OPALIN: variants seen among roughly 807,000 people sequenced by gnomAD.
The protein encoded by OPALIN is transmembrane protein 10.
In OPALIN, 15 loss-of-function variants were observed where a neutral mutation model predicts 17.8. The observed-to-expected ratio is 0.84, with a 90% CI of 0.56 to 1.29. OPALIN has a LOEUF of 1.29. OPALIN is among the 50% of genes most tolerant of loss of function. OPALIN has a pLI of 0.00. For synonymous variants in OPALIN, 62 were observed against 63.8 expected, an observed-to-expected ratio of 0.97 and a Z score of 0.14; for missense variants, 170 against 176.0, an observed-to-expected ratio of 0.97 and a Z score of 0.19.
At chr10:96,353,409 A>G (rs1845665483) in intron 2 of OPALIN, 1 of 1,613,550 alleles carries the variant, frequency 6.2e-7, no homozygotes, top group Non-Finnish European at 8.5e-7. Context: ...TGGAAGGGTT[A>G]TGCAGTAGAA....
Position 96,344,931 on chromosome 10 carries a change from T to C in OPALIN, c.*1010A>G, listed in dbSNP as rs187442367. 1 of 152,356 alleles carries C rather than the reference T, an allele frequency of 6.6e-6. No individual in the cohort carries two copies. The highest frequency in any genetic ancestry group is 2.4e-5 in the African/African-American group (1 of 41,592). The allele number at this position is 152,356 out of a possible 1,614,324, so 9.4% of individuals were successfully genotyped here. A position where few individuals can be genotyped will look rare whatever the true frequency, so the allele number is the denominator to read the frequency against. ...AAGGTTAAATGTAACACCACCAGTC[T>C]CTGTATTTGGAATTCGGAACTTGTA... On this transcript the variant is annotated 3_prime_UTR_variant, in exon 6 of 6. Coordinates refer to ENST00000371172, the MANE Select transcript of OPALIN (RefSeq NM_033207.5).
chr10:96,345,754 G>C lies in OPALIN; in HGVS notation c.*187C>G. ...ATGTACTAACTAAAGCACAAGATCT[G>C]AGAGTTGGAATTAACCATGTTGGGG... On this transcript the variant is annotated 3_prime_UTR_variant, in exon 6 of 6. Transcript: ENST00000371172. 1 of 564,668 alleles carries C rather than the reference G, an allele frequency of 1.8e-6. No homozygotes were observed. The highest frequency in any genetic ancestry group is 3.1e-6 in the Non-Finnish European group (1 of 321,408). 35.0% of individuals were successfully genotyped at this position (564,668 alleles called of 1,614,324 possible).
chr10:96,356,537 A>T (rs1439730934), intron 1 of OPALIN, among the ~76,000 whole-genome samples: 1 of 152,318 alleles, frequency 6.6e-6, no homozygotes, highest in East Asian at 1.9e-4. Flanking sequence ...AATGGGCCGC[A>T]GTCTATGTGA....
chr10:96,353,227 G>A (rs1285869103), intron 2 of OPALIN, among the ~76,000 whole-genome samples: 2 of 152,166 alleles, frequency 1.3e-5, no homozygotes, highest in South Asian at 4.1e-4. Context: ...ATACTTGACA[G>A]TTCAGTATGG....
intron 5 of OPALIN, 109 bp downstream of exon 5, chr10:96,348,180 C>A (rs1354690334): frequency 8.3e-6 from 4 of 484,550 alleles, no homozygotes; most frequent in Non-Finnish European, 1.1e-5. Flanking sequence ...TCTTGGTCAT[C>A]TCTTTTCTAC....
At chr10:96,354,828 G>C (rs998503643) in intron 2 of OPALIN, among the ~76,000 whole-genome samples, 1 of 150,908 alleles carries the variant, frequency 6.6e-6, no homozygotes, top group Non-Finnish European at 1.5e-5. Flanking sequence ...GGGCACGGTG[G>C]CTCACACCTA....
At position 96,346,748 on chromosome 10, in the gene OPALIN, G is replaced by A. The variant is rs150308492; in HGVS notation, c.250-631C>T. ...ATATAGATCAACATTGTTTGACATCGTTATGTTATTAACACTTTCTATCCA... is the reference window on the plus strand; with the variant it reads ...ATATAGATCAACATTGTTTGACATCATTATGTTATTAACACTTTCTATCCA... On this transcript the variant is annotated intron_variant, in intron 5 of 5. Coordinates refer to ENST00000371172, the MANE Select transcript of OPALIN (RefSeq NM_033207.5). Among the ~76,000 whole-genome samples the A allele has an allele frequency of 7.3e-3, 1,110 of 152,168 alleles. 20 individuals carry two copies. The highest frequency in any genetic ancestry group is 0.025 in the African/African-American group (1,023 of 41,516).
At chr10:96,356,916 G>A in intron 1 of OPALIN, 1 of 985,368 alleles carries the variant, frequency 1.0e-6, no homozygotes. Context: ...GAACCTGAGT[G>A]TCCCGGTGAC....
At chr10:96,358,758 A>C in intron 1 of OPALIN, 136 bp downstream of exon 1, 1 of 934,356 alleles carries the variant, frequency 1.1e-6, no homozygotes, top group Non-Finnish European at 1.7e-6. Flanking sequence ...AGTTTAAAAA[A>C]TTATTGGTAT....
In OPALIN at chr10:96,343,969, A is replaced by G. The variant is rs903398092; in HGVS notation, c.*1972T>C. 6.6e-6 allele frequency: 1 copy of G among 152,222 alleles called. No homozygotes were observed. The highest frequency in any genetic ancestry group is 1.5e-5 in the Non-Finnish European group (1 of 68,088). 9.4% of individuals were successfully genotyped at this position (152,222 alleles called of 1,614,324 possible). A position where few individuals can be genotyped will look rare whatever the true frequency, so the allele number is the denominator to read the frequency against. ...GCCTGCTAGAGGGCAATGGCTATAC[A>G]TGGGGGAACCAGGCTGCCTGGAAGC... On this transcript the variant is annotated 3_prime_UTR_variant, in exon 6 of 6. Coordinates refer to ENST00000371172, the MANE Select transcript of OPALIN (RefSeq NM_033207.5).
In OPALIN at chr10:96,344,143, A is replaced by T. The variant is rs569006005; in HGVS notation, c.*1798T>A. ...CAAACAGCTTTCCCCTAGATATCCA[A>T]GGACTTGGTTCTTTTCTCCAAGTAG... On this transcript the variant is annotated 3_prime_UTR_variant, in exon 6 of 6. Transcript: ENST00000371172. 20 of 152,370 alleles carry T rather than the reference A, an allele frequency of 1.3e-4. No homozygotes were observed. Among genetic ancestry groups the T allele is most frequent in the African/African-American group, 4.6e-4 (19 of 41,550 alleles). The allele number at this position is 152,370 out of a possible 1,614,324, so 9.4% of individuals were successfully genotyped here.
In OPALIN at chr10:96,345,718, T is replaced by C. The variant is rs1440927906; in HGVS notation, c.*223A>G. ...AGGAATAGGATCTAAGGACCCCATCTGGTGAGTCACATGTACTAACTAAAG... is the reference window on the plus strand; with the variant it reads ...AGGAATAGGATCTAAGGACCCCATCCGGTGAGTCACATGTACTAACTAAAG... On this transcript the variant is annotated 3_prime_UTR_variant, in exon 6 of 6. Coordinates refer to ENST00000371172, the MANE Select transcript of OPALIN (RefSeq NM_033207.5). 1 of 430,968 alleles carries C rather than the reference T, an allele frequency of 2.3e-6. No individual in the cohort carries two copies. The highest frequency in any genetic ancestry group is 4.0e-5 in the Admixed American group (1 of 24,856). 26.7% of individuals were successfully genotyped at this position (430,968 alleles called of 1,614,324 possible). A position where few individuals can be genotyped will look rare whatever the true frequency, so the allele number is the denominator to read the frequency against.
rs1845274893 is a variant in OPALIN, at chr10:96,345,495, T to C, written c.*446A>G. 1 of 156,696 alleles carries C rather than the reference T, an allele frequency of 6.4e-6. No individual in the cohort carries two copies. Among genetic ancestry groups the C allele is most frequent in the Non-Finnish European group, 1.4e-5 (1 of 71,006 alleles). 9.7% of individuals were successfully genotyped at this position (156,696 alleles called of 1,614,324 possible). A position where few individuals can be genotyped will look rare whatever the true frequency, so the allele number is the denominator to read the frequency against. ...GAGATATTCAGAAACAATTAACTGCTTCCTCTCACACATCCTGCATAAGTT... is the reference window on the plus strand; with the variant it reads ...GAGATATTCAGAAACAATTAACTGCCTCCTCTCACACATCCTGCATAAGTT... On this transcript the variant is annotated 3_prime_UTR_variant, in exon 6 of 6. Coordinates refer to ENST00000371172, the MANE Select transcript of OPALIN (RefSeq NM_033207.5).
intron 1 of OPALIN, among the ~76,000 whole-genome samples, chr10:96,356,273 T>G (rs17479230): frequency 0.086 from 13,134 of 152,260 alleles, 585 homozygotes; most frequent in Non-Finnish European, 0.098. Context: ...TTCCCGTCTT[T>G]CCAGCATCCC....
chr10:96,345,291 TC>T lies in OPALIN; in HGVS notation c.*649del, dbSNP rs1845267084. 6.6e-6 allele frequency: 1 copy of T among 152,164 alleles called. No individual in the cohort carries two copies. Among genetic ancestry groups the T allele is most frequent in the Admixed American group, 6.5e-5 (1 of 15,280 alleles). 9.4% of individuals were successfully genotyped at this position (152,164 alleles called of 1,614,324 possible). A position where few individuals can be genotyped will look rare whatever the true frequency, so the allele number is the denominator to read the frequency against. ...TATGACATGAGGCAAATATTTCCCC[TC>T]CTTTAAAAAAGCAAAAACTGAGGCT... is the stretch of plus-strand genomic sequence containing the variant. On this transcript the variant is annotated 3_prime_UTR_variant, in exon 6 of 6. Coordinates refer to ENST00000371172, the MANE Select transcript of OPALIN (RefSeq NM_033207.5).
At chr10:96,351,274 T>G (rs1845566986) in intron 3 of OPALIN, 104 bp downstream of exon 3, 2 of 732,900 alleles carry the variant, frequency 2.7e-6, no homozygotes, top group Non-Finnish European at 4.7e-6. Flanking sequence ...GATTCTGTGC[T>G]TAGTGACAGT....
Position 96,349,818 on chromosome 10 carries a change from C to T in OPALIN, c.81G>A (p.Gly27=), listed in dbSNP as rs1485274474. 2 of 1,613,432 alleles carry T rather than the reference C, an allele frequency of 1.2e-6. No homozygotes were observed. Among genetic ancestry groups the T allele is most frequent in the Admixed American group, 1.7e-5 (1 of 59,950 alleles). ...TGCCCGCCGCTAATCCAAGAGAGGG[C>T]CCACAGTCCTGGCACAGAATGAAAA... ...PVTGGKETDC[G]PSLGLAAGIP... The change falls in exon 4 of 6, where the codon GGG becomes GGA. Residue 27 remains glycine (G), a synonymous_variant. Coordinates refer to ENST00000371172, the MANE Select transcript of OPALIN (RefSeq NM_033207.5).
chr10:96,352,054 G>C (rs1845607391), intron 2 of OPALIN, among the ~76,000 whole-genome samples: 1 of 152,186 alleles, frequency 6.6e-6, no homozygotes, highest in South Asian at 2.1e-4. Context: ...GTGGGATTAA[G>C]AGCACAGGTC....
chr10:96,351,728 GC>G (rs1470054447), intron 2 of OPALIN, among the ~76,000 whole-genome samples: 3 of 152,186 alleles, frequency 2.0e-5, no homozygotes, highest in African/African-American at 7.2e-5. Context: ...CACACTTTGG[GC>G]CTACTTGTCC....
Sources: allele counts gnomAD v4.1 joint callset (sites outside exome capture counted in the v4.1 genomes callset), GRCh38; gene constraint gnomAD v4.1.1; transcripts MANE v1.5; gene names NCBI Gene and HGNC (gene_info 2026-07-23, HGNC 2026-07-21).